Variants in WWOX observed in about 807,000 individuals in gnomAD.
The protein encoded by WWOX is WW domain containing oxidoreductase, also known as WW domain-containing oxidoreductase.
In WWOX, 69 loss-of-function variants were observed where a neutral mutation model predicts 46.2. The ratio of observed to expected loss-of-function variants is 1.49; its 90% CI spans 1.23 to 1.82. The LOEUF is 1.82. WWOX is among the 40% of genes most tolerant of loss of function. The pLI, the probability that WWOX is intolerant of heterozygous loss-of-function variation, is 0.00. For synonymous variants in WWOX, 359 were observed against 202.6 expected (o/e 1.77, Z -6.56); for missense variants, 919 against 542.6 (o/e 1.69, Z -6.89).
At chr16:78,552,023 C>A (rs1036604228) in intron 8 of WWOX, 1 of 152,266 alleles carries the variant, frequency 6.6e-6, no homozygotes, top group Non-Finnish European at 1.5e-5. Context: ...GTGGGGGGCA[C>A]CCATTCTTGG....
intron 8 of WWOX, among the ~76,000 whole-genome samples, chr16:79,104,844 C>G (rs1324092110): frequency 6.6e-6 from 1 of 152,126 alleles, no homozygotes; most frequent in Non-Finnish European, 1.5e-5. Context: ...CTTGCAATCC[C>G]CACTTGACCA....
chr16:78,431,170 C>T (rs890207857), intron 7 of WWOX, among the ~76,000 whole-genome samples: 2 of 152,198 alleles, frequency 1.3e-5, no homozygotes, highest in African/African-American at 2.4e-5. Flanking sequence ...AAACAAACAG[C>T]TGGTGTTTAA....
At chr16:78,173,477 A>C (rs537674430) in intron 5 of WWOX, among the ~76,000 whole-genome samples, 247 of 137,950 alleles carry the variant, frequency 1.8e-3, no homozygotes, top group African/African-American at 6.4e-3. Context: ...TTTTTTTTTA[A>C]TGTAGAGGAA....
intron 8 of WWOX, among the ~76,000 whole-genome samples, chr16:79,184,263 C>G (rs1458983498): frequency 6.6e-6 from 1 of 152,174 alleles, no homozygotes; most frequent in African/African-American, 2.4e-5. Context: ...TTGTAGAGTC[C>G]ACACAGAAGA....
intron 8 of WWOX, among the ~76,000 whole-genome samples, chr16:78,855,623 C>T (rs978369723): frequency 6.6e-6 from 1 of 152,170 alleles, no homozygotes; most frequent in Non-Finnish European, 1.5e-5. Flanking sequence ...CTAGAGCTAA[C>T]CGAAGAGGGA....
intron 2 of WWOX, among the ~76,000 whole-genome samples, chr16:78,108,690 C>T (rs2032307843): frequency 6.6e-6 from 1 of 152,162 alleles, no homozygotes; most frequent in South Asian, 2.1e-4. Flanking sequence ...TCTTACTGGT[C>T]TTAAAGTACC....
intron 8 of WWOX, among the ~76,000 whole-genome samples, chr16:78,527,607 T>C (rs141076094): frequency 5.3e-5 from 8 of 152,340 alleles, no homozygotes; most frequent in African/African-American, 1.7e-4. Flanking sequence ...CTTGTATCTC[T>C]TAATGAGTTT....
intron 5 of WWOX, among the ~76,000 whole-genome samples, chr16:78,276,218 C>G (rs1471848561): frequency 2.0e-5 from 3 of 152,302 alleles, no homozygotes; most frequent in Non-Finnish European, 4.4e-5. Context: ...GGCTCTTACT[C>G]TCACCAGCTC....
rs532740177 is a variant in WWOX, at chr16:79,030,582, C to T, written c.1057-181026C>T. 1.1e-4 allele frequency among the ~76,000 whole-genome samples: 16 copies of T among 152,278 alleles called. No individual in the cohort carries two copies. The South Asian group carries it at 2.9e-3, about 28-fold the overall frequency. On this transcript the variant is annotated intron_variant, in intron 8 of 8. Coordinates refer to ENST00000566780, the MANE Select transcript of WWOX (RefSeq NM_016373.4). The stretch of plus-strand genomic sequence containing the variant: ...GACTCATATGAGGGCTGTCTTGGTC[C>T]GTCTCATTTAAGGTTTGGCTTCTCC...
intron 8 of WWOX, among the ~76,000 whole-genome samples, chr16:78,672,494 C>T (rs188811919): frequency 2.6e-5 from 4 of 152,128 alleles, no homozygotes; most frequent in African/African-American, 9.7e-5. Flanking sequence ...CAGGCATGCA[C>T]AGGTATCCTG....
At chr16:78,516,032 T>C (rs2043228317) in intron 8 of WWOX, among the ~76,000 whole-genome samples, 1 of 152,024 alleles carries the variant, frequency 6.6e-6, no homozygotes, top group Non-Finnish European at 1.5e-5. Context: ...CTCCCTCTCT[T>C]TAAGGTTTTC....
rs148570978 is a variant in WWOX at position 78,737,485 on chromosome 16, C to A, written c.1056+304733C>A. Among the ~76,000 whole-genome samples the A allele has an allele frequency of 9.1e-3, 1,384 of 151,996 alleles. 23 individuals carry two copies. The highest frequency in any genetic ancestry group is 0.032 in the African/African-American group (1,326 of 41,466). ...GGGGGGAACAGGTGGTGTTTGGTTA[C>A]ATGAATAAGTTCTTTAGTGATGATT... On this transcript the variant is annotated intron_variant, in intron 8 of 8. Coordinates refer to ENST00000566780, the MANE Select transcript of WWOX (RefSeq NM_016373.4).
chr16:79,129,419 A>T (rs1203391157), intron 8 of WWOX, among the ~76,000 whole-genome samples: 1 of 148,914 alleles, frequency 6.7e-6, no homozygotes, highest in Admixed American at 6.8e-5. Context: ...GTATCTATCA[A>T]ACACGGGAGA....
intron 8 of WWOX, among the ~76,000 whole-genome samples, chr16:78,946,232 C>G (rs1180223487): frequency 6.6e-6 from 1 of 152,042 alleles, no homozygotes; most frequent in Admixed American, 6.6e-5. Flanking sequence ...GCTCTGTCGC[C>G]CAGGATGGAG....
chr16:78,497,762 G>A (rs975343677), intron 8 of WWOX, among the ~76,000 whole-genome samples: 5 of 152,004 alleles, frequency 3.3e-5, no homozygotes, highest in Non-Finnish European at 5.9e-5. Context: ...GGTTGGGTCT[G>A]GAGATGTCAC....
intron 8 of WWOX, among the ~76,000 whole-genome samples, chr16:79,149,300 T>A (rs7188904): frequency 0.29 from 44,630 of 152,080 alleles, 6,754 homozygotes; most frequent in East Asian, 0.45. Context: ...TATGATCATA[T>A]GATTTTCCTT....
At chr16:78,634,730 A>G (rs1483980195) in intron 8 of WWOX, among the ~76,000 whole-genome samples, 1 of 150,274 alleles carries the variant, frequency 6.7e-6, no homozygotes, top group African/African-American at 2.5e-5. Flanking sequence ...AAAAAGTTCT[A>G]AATCAGTGGA....
At chr16:78,877,993 G>T (rs1440272307) in intron 8 of WWOX, among the ~76,000 whole-genome samples, 1 of 152,168 alleles carries the variant, frequency 6.6e-6, no homozygotes, top group Non-Finnish European at 1.5e-5. Context: ...AGATGATTTT[G>T]TTTTTATAGG....
intron 6 of WWOX, among the ~76,000 whole-genome samples, chr16:78,406,856 C>A (rs773762996): frequency 1.4e-4 from 22 of 151,914 alleles, no homozygotes; most frequent in Non-Finnish European, 7.4e-5. Context: ...AAACTCATGA[C>A]CTCAAGTGAT....
Sources: allele counts gnomAD v4.1 joint callset (sites outside exome capture counted in the v4.1 genomes callset), GRCh38; gene constraint gnomAD v4.1.1; transcripts MANE v1.5; gene names NCBI Gene and HGNC (gene_info 2026-07-23, HGNC 2026-07-21).